The following NRK variants were observed in gnomAD, a reference collection of about 807,000 sequenced individuals.
NRK encodes the protein nik-related protein kinase.
Under a neutral mutation model 125.2 loss-of-function variants are expected in NRK, and 67 were observed. That is an observed-to-expected ratio of 0.54 (90% CI 0.44 to 0.66). The LOEUF is 0.66. Among genes scored for constraint, NRK ranks in the 30% least tolerant of loss-of-function variants. The pLI is 0.00. For missense variants in NRK, 1,224 were observed against 1,192.9 expected, an observed-to-expected ratio of 1.03 and a Z score of -0.38; for synonymous variants, 458 against 429.0, an observed-to-expected ratio of 1.07 and a Z score of -0.84.
chrX:105,906,498 C>G lies in NRK; in HGVS notation c.930C>G (p.His310Gln). 8.7e-7 allele frequency: 1 copy of G among 1,154,267 alleles called. No individual in the cohort carries two copies. The highest frequency in any genetic ancestry group is 3.0e-5 in the East Asian group (1 of 33,112). The change falls in exon 11 of 29, where the codon CAC becomes CAG. Residue 310 changes from histidine (H) to glutamine (Q), a missense_variant. Coordinates refer to ENST00000243300, the MANE Select transcript of NRK (RefSeq NM_198465.4). ...FRPTSANMLQ[H>Q]PFVRDIKNER... ...CTACTTCTGCAAACATGCTTCAACA[C>G]CCATTTGTTCGGGATATAAAAAATG... is the stretch of plus-strand genomic sequence containing the variant.
intron 2 of NRK, among the ~76,000 whole-genome samples, chrX:105,844,445 T>C (rs2039375663): frequency 8.9e-6 from 1 of 112,178 alleles, no homozygotes; most frequent in South Asian, 3.7e-4. Flanking sequence ...TTTGTTGGAA[T>C]CTGGAACACA....
chrX:105,842,131 C>T (rs2039338010), intron 2 of NRK, among the ~76,000 whole-genome samples: 4 of 111,348 alleles, frequency 3.6e-5, no homozygotes, highest in African/African-American at 1.3e-4. Context: ...TGCCCAAGTG[C>T]AAAAATTTAC....
At position 105,880,263 on chromosome X, in the gene NRK, T is replaced by C. The variant is rs1278553222; in HGVS notation, c.180+8T>C. The stretch of plus-strand genomic sequence containing the variant: ...GTGATGAACGCTCGTAAGGTAATAT[T>C]ATAAATTGCCTGTATTCTCTTCCCT... On this transcript the variant is annotated splice_region_variant and intron_variant, in intron 3 of 28. Coordinates refer to ENST00000243300, the MANE Select transcript of NRK (RefSeq NM_198465.4). 1 of 960,210 alleles carries C rather than the reference T, an allele frequency of 1.0e-6. No individual in the cohort carries two copies. The highest frequency in any genetic ancestry group is 1.4e-6 in the Non-Finnish European group (1 of 710,042). 79.1% of individuals were successfully genotyped at this position (960,210 alleles called of 1,213,427 possible).
At chrX:105,892,657 A>T (rs531417627) in intron 5 of NRK, among the ~76,000 whole-genome samples, 1 of 111,777 alleles carries the variant, frequency 8.9e-6, no homozygotes, top group African/African-American at 3.2e-5. Flanking sequence ...TGCCCATTCA[A>T]TATAGTCAAT....
intron 2 of NRK, among the ~76,000 whole-genome samples, chrX:105,845,034 T>A (rs1276492653): frequency 9.0e-6 from 1 of 111,455 alleles, no homozygotes; most frequent in Non-Finnish European, 1.9e-5. Flanking sequence ...GTGAATTGTA[T>A]TGTGAATTGA....
chrX:105,908,741 C>A lies in NRK; in HGVS notation c.1100C>A (p.Thr367Asn), dbSNP rs755288274. Reference protein sequence around the residue: ...TVRRFRGPSCTHELLRLPTSS... With the variant: ...TVRRFRGPSCNHELLRLPTSS... ...GTTTATTTTAGAGGACCCTCTTGCACTCACGAGCTTCTGAGATTGCCAACC... is the reference window on the plus strand; with the variant it reads ...GTTTATTTTAGAGGACCCTCTTGCAATCACGAGCTTCTGAGATTGCCAACC... The change falls in exon 13 of 29, where the codon ACT becomes AAT. Residue 367 changes from threonine to asparagine, a missense_variant. By Grantham distance (65) the Thr-to-Asn change is moderately conservative. Coordinates refer to ENST00000243300, the MANE Select transcript of NRK (RefSeq NM_198465.4). The A allele has an allele frequency of 8.3e-7, 1 of 1,197,779 alleles. No individual in the cohort carries two copies. Among genetic ancestry groups the A allele is most frequent in the South Asian group, 1.8e-5 (1 of 55,121 alleles).
chrX:105,921,928 C>A, intron 16 of NRK, 36 bp from the exon 17 acceptor site: 2 of 676,986 alleles, frequency 3.0e-6, no homozygotes, highest in Non-Finnish European at 4.7e-6. Flanking sequence ...TGGCTGTAAT[C>A]ACCATTGTTA....
At chrX:105,908,042 G>A (rs2040242088) in intron 11 of NRK, 198 bp from the exon 12 acceptor site, 1 of 302,265 alleles carries the variant, frequency 3.3e-6, no homozygotes, top group Non-Finnish European at 6.0e-6. Flanking sequence ...GCATGCAATA[G>A]CTATATTGTG....
At chrX:105,921,252 A>T (rs1242761465) in intron 16 of NRK, among the ~76,000 whole-genome samples, 1 of 102,786 alleles carries the variant, frequency 9.7e-6, no homozygotes, top group African/African-American at 3.6e-5. Context: ...AACACCGCAT[A>T]TTCTCACTCA....
intron 2 of NRK, among the ~76,000 whole-genome samples, chrX:105,837,273 A>G (rs906799566): frequency 2.2e-4 from 25 of 111,767 alleles, no homozygotes; most frequent in African/African-American, 7.8e-4. Context: ...CATATTATAT[A>G]TATGTGTGTA....
intron 5 of NRK, 37 bp from the exon 6 acceptor site, chrX:105,893,795 G>C: frequency 1.2e-6 from 1 of 849,476 alleles, no homozygotes; most frequent in Non-Finnish European, 1.8e-6. Context: ...CAGAAAATTG[G>C]ACACTAATTT....
Position 105,822,748 on chromosome X carries a change from T to C in NRK, c.-98T>C. 6 of 820,147 alleles carry C rather than the reference T, an allele frequency of 7.3e-6. No homozygotes were observed. The Middle Eastern group carries it at 1.1e-3, about 150-fold the overall frequency. 67.6% of individuals were successfully genotyped at this position (820,147 alleles called of 1,213,427 possible). On this transcript the variant is annotated 5_prime_UTR_variant, in exon 1 of 29. Coordinates refer to ENST00000243300, the MANE Select transcript of NRK (RefSeq NM_198465.4). ...CCCAGACTCCTCTCTCCCGCCCTCCTCCTTCCTCTCTCCTCCCTTCAACTC... is the reference window on the plus strand; with the variant it reads ...CCCAGACTCCTCTCTCCCGCCCTCCCCCTTCCTCTCTCCTCCCTTCAACTC...
In NRK at chrX:105,909,590, C is replaced by T; in HGVS notation, c.1949C>T (p.Ala650Val). 1 of 1,204,585 alleles carries T rather than the reference C, an allele frequency of 8.3e-7. No individual in the cohort carries two copies. The highest frequency in any genetic ancestry group is 3.0e-5 in the East Asian group (1 of 33,599). ...GGACTATCAAGAGACTTGCTTCGGG[C>T]ACCAAACTCAAATAACTCAAAGCCA... ...IEGLSRDLLR[A>V]PNSNNSKPLG... Residue 650 changes from alanine to valine, a missense_variant, in exon 13 of 29, where the codon GCA becomes GTA. Ala to Val is a moderately conservative substitution (Grantham distance 64). Coordinates refer to ENST00000243300, the MANE Select transcript of NRK (RefSeq NM_198465.4).
upstream of NRK, among the ~76,000 whole-genome samples, chrX:105,822,095 G>T (rs1162831940): frequency 8.9e-6 from 1 of 112,507 alleles, no homozygotes; most frequent in Admixed American, 9.3e-5. Flanking sequence ...AAAATCAGAG[G>T]GACAGAAAGA....
At chrX:105,827,089 G>C (rs2039124721) in intron 1 of NRK, among the ~76,000 whole-genome samples, 2 of 111,637 alleles carry the variant, frequency 1.8e-5, no homozygotes, top group Admixed American at 9.5e-5. Context: ...ACAGTCTACA[G>C]TTTGAGAAAC....
rs187271074 is a variant in NRK, at chrX:105,879,333, G to A, written c.124-866G>A. ...GTACAGCCCCCAGATCAAACCTTCTGCTGAGAAATATCAGATAAGGCATTC... is the reference window on the plus strand; with the variant it reads ...GTACAGCCCCCAGATCAAACCTTCTACTGAGAAATATCAGATAAGGCATTC... On this transcript the variant is annotated intron_variant, in intron 2 of 28. Transcript: ENST00000243300. Among the ~76,000 whole-genome samples, 3 of 110,582 alleles carry A rather than the reference G, an allele frequency of 2.7e-5. No individual in the cohort carries two copies. The Admixed American group carries it at 2.9e-4, about 11-fold the overall frequency.
intron 24 of NRK, 63 bp downstream of exon 24, chrX:105,944,104 G>A: frequency 1.7e-6 from 1 of 583,230 alleles, no homozygotes; most frequent in Non-Finnish European, 2.7e-6. Flanking sequence ...ATTGTGAACA[G>A]AATCGTACCT....
intron 5 of NRK, among the ~76,000 whole-genome samples, chrX:105,889,382 T>G (rs1569302352): frequency 8.9e-6 from 1 of 111,914 alleles, no homozygotes; most frequent in Non-Finnish European, 1.9e-5. Context: ...CGGGTTGACA[T>G]TGAGTGTCTG....
At chrX:105,907,173 G>A (rs1174210681) in intron 11 of NRK, 1 of 110,465 alleles carries the variant, frequency 9.1e-6, no homozygotes, top group African/African-American at 3.3e-5. Context: ...ATTAAAAATG[G>A]CAGGATTTGC....
Sources: gnomAD v4.1 joint callset for allele counts (sites outside exome capture counted in the v4.1 genomes callset) on GRCh38, gnomAD v4.1.1 for gene constraint, MANE v1.5 for transcripts, NCBI Gene and HGNC (gene_info 2026-07-23, HGNC 2026-07-21) for gene names.